Variants in DPP6 observed in about 807,000 individuals in gnomAD.
The protein encoded by DPP6 is A-type potassium channel modulatory protein DPP6.
A neutral mutation model predicts 122.6 loss-of-function variants in DPP6; 69 were observed. The ratio of observed to expected loss-of-function variants is 0.56; its 90% CI spans 0.46 to 0.69. The LOEUF (loss-of-function observed/expected upper bound fraction) is 0.69, where lower values mean the gene tolerates loss of function less well. DPP6 is among the 30% of genes least tolerant of loss of function. The probability of loss-of-function intolerance (pLI) is 0.00; values close to 1 mark genes in which losing one functional copy is unlikely to be tolerated. For synonymous variants in DPP6, 418 were observed against 433.1 expected (o/e 0.97, Z 0.43); for missense variants, 928 against 1,116.9 (o/e 0.83, Z 2.41).
intron 14 of DPP6, 69 bp downstream of exon 14, chr7:154,804,024 T>C: frequency 6.4e-7 from 1 of 1,563,046 alleles, no homozygotes; most frequent in Non-Finnish European, 8.7e-7. Flanking sequence ...TTTTGTCAAT[T>C]ACACTTATGG....
At chr7:154,822,285 C>T (rs1317919329) in intron 16 of DPP6, among the ~76,000 whole-genome samples, 2 of 152,192 alleles carry the variant, frequency 1.3e-5, no homozygotes, top group African/African-American at 4.8e-5. Context: ...ATTTATTTCT[C>T]ACAGTTCCAG....
chr7:154,792,157 G>A (rs982004376), intron 10 of DPP6, among the ~76,000 whole-genome samples: 1 of 152,218 alleles, frequency 6.6e-6, no homozygotes, highest in South Asian at 2.1e-4. Flanking sequence ...GCATGCAGAC[G>A]AAATGTGTTT....
rs1346852094 is a variant in DPP6, at chr7:154,676,226, AT to A, written c.762+6786del. On this transcript the variant is annotated intron_variant, in intron 7 of 25. Transcript: ENST00000377770. ...TCTGGAGGTCCAGCTGCCCTTCCCC[AT>A]GTGACCTGCTACACAGGTGTTCCGG... Among the ~76,000 whole-genome samples, 4 of 145,574 alleles carry A rather than the reference AT, an allele frequency of 2.7e-5. No homozygotes were observed. In the East Asian group the frequency reaches 6.0e-4, roughly 22 times the overall value.
chr7:154,398,620 C>G (rs193079095), intron 1 of DPP6, among the ~76,000 whole-genome samples: 1 of 152,070 alleles, frequency 6.6e-6, no homozygotes, highest in African/African-American at 2.4e-5. Context: ...TATTTTCTCT[C>G]TCTCTCTCTC....
intron 3 of DPP6, among the ~76,000 whole-genome samples, chr7:154,495,034 A>T (rs1289072955): frequency 1.3e-5 from 2 of 152,244 alleles, no homozygotes; most frequent in Non-Finnish European, 2.9e-5. Context: ...TAACATTTGC[A>T]CATAACTAGG....
Position 154,414,081 on chromosome 7 carries a change from C to T in DPP6, c.244-32133C>T, listed in dbSNP as rs539478633. On this transcript the variant is annotated intron_variant, in intron 1 of 25. Transcript: ENST00000377770. ...TGATATCTCCACTTGACATCTTAGACTCTATTGTGTTATAACTTCCCACAA... is the reference window on the plus strand; with the variant it reads ...TGATATCTCCACTTGACATCTTAGATTCTATTGTGTTATAACTTCCCACAA... Among the ~76,000 whole-genome samples, 13 of 152,300 alleles carry T rather than the reference C, an allele frequency of 8.5e-5. No individual in the cohort carries two copies. In the South Asian group the frequency reaches 2.7e-3, roughly 32 times the overall value.
At chr7:153,787,202 G>T in the DPP6 span, among the ~76,000 whole-genome samples, 267 of 141,198 alleles carry the variant, frequency 1.9e-3, 14 homozygotes, top group African/African-American at 6.8e-3. Flanking sequence ...CACCCGCCTC[G>T]GCCTCCCAAA....
intron 3 of DPP6, among the ~76,000 whole-genome samples, chr7:154,517,240 T>A (rs758326520): frequency 6.6e-6 from 1 of 152,164 alleles, no homozygotes; most frequent in Non-Finnish European, 1.5e-5. Flanking sequence ...AATAGTGTGA[T>A]TCCATTCAAG....
rs548698203 is a variant in DPP6, at chr7:154,179,224, A to G, written c.243+126161A>G. 7.9e-5 allele frequency among the ~76,000 whole-genome samples: 12 copies of G among 152,234 alleles called. No individual in the cohort carries two copies. In the South Asian group the frequency reaches 1.7e-3, roughly 21 times the overall value. ...CCAGCCTATTAGAACTCAGCATTGCATTCAAATTCTAGTTGCTCTAAAGAA... is the reference window on the plus strand; with the variant it reads ...CCAGCCTATTAGAACTCAGCATTGCGTTCAAATTCTAGTTGCTCTAAAGAA... On this transcript the variant is annotated intron_variant, in intron 1 of 25. Transcript: ENST00000377770.
At chr7:154,276,899 A>G (rs981712179) in intron 1 of DPP6, among the ~76,000 whole-genome samples, 3 of 152,184 alleles carry the variant, frequency 2.0e-5, no homozygotes, top group Non-Finnish European at 4.4e-5. Context: ...ACTATAACAC[A>G]TGCCTGCATG....
At chr7:153,868,671 A>C in the DPP6 span, among the ~76,000 whole-genome samples, 2 of 151,918 alleles carry the variant, frequency 1.3e-5, no homozygotes, top group East Asian at 1.9e-4. Context: ...CTCTGATCTT[A>C]GTTATTTCTT....
upstream of DPP6, among the ~76,000 whole-genome samples, chr7:153,885,533 T>C (rs571553988): frequency 3.9e-5 from 6 of 152,212 alleles, no homozygotes; most frequent in African/African-American, 1.2e-4. Flanking sequence ...GAAATCAGAT[T>C]CTCACCACAC....
chr7:153,932,265 C>T (rs887523539), intron 1 of DPP6, among the ~76,000 whole-genome samples: 2 of 151,950 alleles, frequency 1.3e-5, no homozygotes, highest in Non-Finnish European at 1.5e-5. Context: ...GGATTATAGG[C>T]ATGTGCCACC....
At chr7:154,609,370 A>T (rs1231964629) in intron 5 of DPP6, among the ~76,000 whole-genome samples, 2 of 152,250 alleles carry the variant, frequency 1.3e-5, no homozygotes, top group Non-Finnish European at 2.9e-5. Context: ...TAAAGAAGTC[A>T]TCACATCTAA....
chr7:153,957,541 A>G (rs540518324), intron 1 of DPP6, among the ~76,000 whole-genome samples: 1 of 152,304 alleles, frequency 6.6e-6, no homozygotes, highest in African/African-American at 2.4e-5. Context: ...ATGAGATGCA[A>G]ACTCCTCAGG....
the DPP6 span, among the ~76,000 whole-genome samples, chr7:153,816,786 T>C: frequency 2.6e-5 from 4 of 151,916 alleles, no homozygotes; most frequent in Admixed American, 1.3e-4. Flanking sequence ...AACACCCCTC[T>C]GCATGGAGCA....
intron 10 of DPP6, among the ~76,000 whole-genome samples, chr7:154,790,250 C>A (rs1400339819): frequency 6.6e-6 from 1 of 152,140 alleles, no homozygotes; most frequent in African/African-American, 2.4e-5. Context: ...ACTGATGCAA[C>A]TCATGGACTT....
intron 6 of DPP6, among the ~76,000 whole-genome samples, chr7:154,646,002 C>T (rs1285902671): frequency 5.3e-5 from 6 of 112,982 alleles, no homozygotes; most frequent in East Asian, 3.0e-4. Context: ...CACTCCAGCT[C>T]GGGCGGCAGA....
At chr7:154,635,065 T>G (rs552844060) in intron 5 of DPP6, among the ~76,000 whole-genome samples, 1 of 152,282 alleles carries the variant, frequency 6.6e-6, no homozygotes, top group East Asian at 1.9e-4. Flanking sequence ...GATACAAGCT[T>G]GGTTCAGGCA....
Sources: allele counts gnomAD v4.1 joint callset (sites outside exome capture counted in the v4.1 genomes callset), GRCh38; gene constraint gnomAD v4.1.1; transcripts MANE v1.5; gene names NCBI Gene and HGNC (gene_info 2026-07-23, HGNC 2026-07-21).